The following COPZ2 variants were observed in gnomAD, a reference collection of about 807,000 sequenced individuals.
The protein encoded by COPZ2 is coatomer subunit zeta-2.
A neutral mutation model predicts 33.2 loss-of-function variants in COPZ2; 30 were observed. The ratio of observed to expected loss-of-function variants is 0.90; its 90% CI spans 0.68 to 1.23. The LOEUF (loss-of-function observed/expected upper bound fraction) is 1.23. Ranked by LOEUF, COPZ2 falls within the 50% of genes most tolerant of loss-of-function variation. The pLI, the probability that COPZ2 is intolerant of heterozygous loss-of-function variation, is 0.00. For missense variants in COPZ2, 263 were observed against 262.4 expected, an observed-to-expected ratio of 1.00 and a Z score of -0.02; for synonymous variants, 89 against 102.6, an observed-to-expected ratio of 0.87 and a Z score of 0.80.
At chr17:48,034,981 G>A (rs2036957825) in intron 2 of COPZ2, among the ~76,000 whole-genome samples, 1 of 151,760 alleles carries the variant, frequency 6.6e-6, no homozygotes. Context: ...GGGAGACTCC[G>A]TCTCAAAAAA....
At chr17:48,044,572 T>C in the COPZ2 span, among the ~76,000 whole-genome samples, 10 of 152,122 alleles carry the variant, frequency 6.6e-5, no homozygotes, top group Non-Finnish European at 1.3e-4. Flanking sequence ...ACCTGGGCAT[T>C]GGTATTTCTT....
At chr17:48,044,709 G>A in the COPZ2 span, among the ~76,000 whole-genome samples, 3 of 152,092 alleles carry the variant, frequency 2.0e-5, no homozygotes, top group Non-Finnish European at 4.4e-5. Context: ...GTGGTTTAAT[G>A]GTAACAAGCT....
upstream of COPZ2, among the ~76,000 whole-genome samples, chr17:48,038,280 CCT>C (rs2037024313): frequency 6.6e-6 from 1 of 152,106 alleles, no homozygotes; most frequent in Non-Finnish European, 1.5e-5. Context: ...CTTTCTCATT[CCT>C]CTCTCACTAC....
intron 6 of COPZ2, among the ~76,000 whole-genome samples, chr17:48,030,789 C>T (rs1438912613): frequency 6.6e-6 from 1 of 152,224 alleles, no homozygotes; most frequent in African/African-American, 2.4e-5. Context: ...CAGGCATCCT[C>T]CTTTGCACAG....
chr17:48,034,743 G>A (rs142301643), intron 2 of COPZ2, among the ~76,000 whole-genome samples: 8,188 of 152,216 alleles, frequency 0.054, 306 homozygotes, highest in Middle Eastern at 0.12. Flanking sequence ...AGCACTTTGG[G>A]AGGCCGAGGC....
chr17:48,039,445 G>C (rs2037038978), upstream of COPZ2, among the ~76,000 whole-genome samples: 1 of 151,262 alleles, frequency 6.6e-6, no homozygotes, highest in Admixed American at 6.6e-5. Context: ...GCTCCAGCCT[G>C]GGCAATGGGA....
intron 3 of COPZ2, 126 bp downstream of exon 3, chr17:48,033,736 AC>A: frequency 1.4e-6 from 1 of 719,504 alleles, no homozygotes. Context: ...GAAGGAGAGG[AC>A]AAAAAGCCTC....
chr17:48,033,967 G>A, intron 2 of COPZ2, 23 bp from the exon 3 acceptor site: 1 of 1,533,920 alleles, frequency 6.5e-7, no homozygotes, highest in South Asian at 1.2e-5. Flanking sequence ...GAAGGAGAAA[G>A]GACCATAGCT....
chr17:48,035,233 T>C (rs2036961451), intron 2 of COPZ2, among the ~76,000 whole-genome samples: 1 of 152,262 alleles, frequency 6.6e-6, no homozygotes, highest in Non-Finnish European at 1.5e-5. Context: ...GATCCACCTC[T>C]GACCATCTGC....
In COPZ2 at chr17:48,028,997, T is replaced by C. The variant is rs1310958748; in HGVS notation, c.546+128A>G. 3 of 777,024 alleles carry C rather than the reference T, an allele frequency of 3.9e-6. No homozygotes were observed. Among genetic ancestry groups the C allele is most frequent in the African/African-American group, 1.8e-5 (1 of 56,214 alleles). 48.1% of individuals were successfully genotyped at this position (777,024 alleles called of 1,614,324 possible). A position where few individuals can be genotyped will look rare whatever the true frequency, so the allele number is the denominator to read the frequency against. On this transcript the variant is annotated intron_variant, in intron 7 of 8. Transcript: ENST00000621465. The surrounding 1 kb of genome is among the most constrained non-coding windows in gnomAD (Gnocchi z 4.5). ...TGCTGCTCATCTCACCCCTAACAAGTGTGTCAGCCCAGTGGTTGGCTTCTG... is the reference window on the plus strand; with the variant it reads ...TGCTGCTCATCTCACCCCTAACAAGCGTGTCAGCCCAGTGGTTGGCTTCTG...
At chr17:48,035,407 A>AT (rs2036964002) in intron 2 of COPZ2, among the ~76,000 whole-genome samples, 2 of 152,072 alleles carry the variant, frequency 1.3e-5, no homozygotes, top group South Asian at 2.1e-4. Context: ...CAGAAAATCT[A>AT]TTTTTTGGGA....
chr17:48,038,551 C>T (rs146096560), upstream of COPZ2, among the ~76,000 whole-genome samples: 5 of 152,282 alleles, frequency 3.3e-5, no homozygotes, highest in East Asian at 3.9e-4. Flanking sequence ...AAACACTGTG[C>T]GTGTATTTTA....
At chr17:48,039,499 A>AGAG (rs2037040326), upstream of COPZ2, among the ~76,000 whole-genome samples, 1 of 150,988 alleles carries the variant, frequency 6.6e-6, no homozygotes, top group African/African-American at 2.4e-5. Context: ...AAGAAGAAGA[A>AGAG]GAGAAAAAGA....
At chr17:48,044,722 C>T in the COPZ2 span, among the ~76,000 whole-genome samples, 1 of 152,128 alleles carries the variant, frequency 6.6e-6, no homozygotes, top group Non-Finnish European at 1.5e-5. Context: ...AACAAGCTTG[C>T]TGATGATGTT....
upstream of COPZ2, among the ~76,000 whole-genome samples, chr17:48,042,881 C>G (rs1309911830): frequency 6.6e-6 from 1 of 152,218 alleles, no homozygotes; most frequent in Non-Finnish European, 1.5e-5. Context: ...TCAACAGAGA[C>G]CCCAGAACTT....
At chr17:48,032,373 G>A in intron 5 of COPZ2, 140 bp from the exon 6 acceptor site, 1 of 775,428 alleles carries the variant, frequency 1.3e-6, no homozygotes, top group Non-Finnish European at 2.2e-6. Context: ...AATGTGAAGG[G>A]CAGTGAGCAC....
Position 48,029,544 on chromosome 17 carries a change from G to A in COPZ2, c.495-368C>T, listed in dbSNP as rs749106990. On this transcript the variant is annotated intron_variant, in intron 6 of 8. Transcript: ENST00000621465. Reference sequence around the variant, plus strand: ...TAGGATTGGATTCCCTGTGAAAAGAGTTAGGAAGAGAGGCCCTGGGGGTTC... The same window carrying A: ...TAGGATTGGATTCCCTGTGAAAAGAATTAGGAAGAGAGGCCCTGGGGGTTC... The A allele has an allele frequency of 7.5e-5, 23 of 308,558 alleles. No individual in the cohort carries two copies. The Admixed American group carries it at 7.7e-4, about 10-fold the overall frequency. The allele number at this position is 308,558 out of a possible 1,614,324, so 19.1% of individuals were successfully genotyped here.
chr17:48,036,512 C>T (rs934986808), intron 2 of COPZ2, among the ~76,000 whole-genome samples: 3 of 152,132 alleles, frequency 2.0e-5, no homozygotes, highest in African/African-American at 7.2e-5. Flanking sequence ...AGAGACAAAC[C>T]CCAAAGAACA....
upstream of COPZ2, among the ~76,000 whole-genome samples, chr17:48,042,643 G>C (rs1305688314): frequency 2.0e-5 from 3 of 151,610 alleles, no homozygotes; most frequent in Non-Finnish European, 2.9e-5. Context: ...TGTATTTTTA[G>C]TAGAGACGGG....
Sources: gnomAD v4.1 joint callset for allele counts (sites outside exome capture counted in the v4.1 genomes callset) on GRCh38, gnomAD v4.1.1 for gene constraint, Gnocchi (gnomAD v3.1) non-coding constraint, MANE v1.5 for transcripts, NCBI Gene and HGNC (gene_info 2026-07-23, HGNC 2026-07-21) for gene names.